Variants in UTRN observed in about 807,000 individuals in gnomAD.
UTRN encodes dystrophin-related protein 1.
UTRN carries 283 observed loss-of-function variants against 463.9 expected under a neutral mutation model. The ratio of observed to expected loss-of-function variants is 0.61; its 90% CI spans 0.55 to 0.67. The LOEUF is 0.67. UTRN is among the 30% of genes least tolerant of loss of function. The pLI, the probability that UTRN is intolerant of heterozygous loss-of-function variation, is 0.00. For missense variants in UTRN, 3,922 were observed against 4,084.3 expected (o/e 0.96, Z 1.08); for synonymous variants, 1,442 against 1,431.5 (o/e 1.01, Z -0.17).
In UTRN at chr6:144,346,176, T is replaced by C. The variant is rs1196944243; in HGVS notation, c.79+54269T>C. ...CTGGGTGAAAGAGCAAAACTCTGTC[T>C]CAAAAAAAAAAAAAATAAAATAAAA... On this transcript the variant is annotated intron_variant, in intron 2 of 74. Coordinates refer to ENST00000367545, the MANE Select transcript of UTRN (RefSeq NM_007124.3). 4.6e-5 allele frequency among the ~76,000 whole-genome samples: 4 copies of C among 87,442 alleles called. 1 individual carries two copies. The highest frequency in any genetic ancestry group is 1.4e-4 in the African/African-American group (4 of 29,416). 57.4% of individuals were successfully genotyped at this position (87,442 alleles called of 152,430 possible). A position where few individuals can be genotyped will look rare whatever the true frequency, so the allele number is the denominator to read the frequency against.
rs117871686 is a variant in UTRN, at chr6:144,639,821, G to A, written c.7480-38585G>A. On this transcript the variant is annotated intron_variant, in intron 51 of 74. Transcript: ENST00000367545. ...GTGGGAGTTTCTATATGGAAGAGGG[G>A]CATTAACAAAGCTTTGAAATGCCAA... 2.2e-3 allele frequency among the ~76,000 whole-genome samples: 328 copies of A among 152,222 alleles called. 9 individuals carry two copies. In the East Asian group the frequency reaches 0.05, roughly 23 times the overall value.
rs774506393 is a variant in UTRN at position 144,403,100 on chromosome 6, CTCTT to C, written c.80-17_80-14del. On this transcript the variant is annotated intron_variant, in intron 2 of 74. Coordinates refer to ENST00000367545, the MANE Select transcript of UTRN (RefSeq NM_007124.3). Reference sequence around the variant, plus strand: ...GTACAGACTCTCATACTTTTTCCTTCTCTTTCTTTTTCCATTCCACAGATGAACA... The same window carrying C: ...GTACAGACTCTCATACTTTTTCCTTCTCTTTTTCCATTCCACAGATGAACA... The C allele has an allele frequency of 4.7e-5, 75 of 1,607,946 alleles. No homozygotes were observed. Among genetic ancestry groups the C allele is most frequent in the South Asian group, 1.1e-4 (10 of 90,828 alleles).
intron 63 of UTRN, among the ~76,000 whole-genome samples, chr6:144,795,588 A>C (rs9390228): frequency 0.16 from 24,875 of 152,042 alleles, 2,370 homozygotes; most frequent in South Asian, 0.27. Context: ...ATGGTATCTC[A>C]TTGTGGTTTT....
intron 51 of UTRN, among the ~76,000 whole-genome samples, chr6:144,641,990 T>C (rs1287421957): frequency 6.6e-6 from 1 of 152,198 alleles, no homozygotes; most frequent in African/African-American, 2.4e-5. Context: ...CTGTTTGTCT[T>C]TGACTAGAAC....
intron 65 of UTRN, among the ~76,000 whole-genome samples, chr6:144,813,288 A>C (rs960928124): frequency 1.3e-5 from 2 of 152,066 alleles, no homozygotes; most frequent in African/African-American, 4.8e-5. Flanking sequence ...TCCCGGGTTC[A>C]AGTGATTCTC....
chr6:144,484,894 C>A (rs572841068), intron 27 of UTRN, among the ~76,000 whole-genome samples: 3 of 151,896 alleles, frequency 2.0e-5, no homozygotes, highest in Admixed American at 6.6e-5. Flanking sequence ...ACCAACTGGT[C>A]TCATATGATT....
intron 2 of UTRN, among the ~76,000 whole-genome samples, chr6:144,312,722 T>C (rs751097283): frequency 1.3e-5 from 2 of 152,230 alleles, no homozygotes; most frequent in Non-Finnish European, 2.9e-5. Flanking sequence ...CATGTTTATA[T>C]ATTTGATATG....
chr6:144,812,972 A>C (rs913262107), intron 65 of UTRN, among the ~76,000 whole-genome samples: 4 of 152,086 alleles, frequency 2.6e-5, no homozygotes, highest in Non-Finnish European at 5.9e-5. Flanking sequence ...ATGCCCACTT[A>C]TCTGTGTAGG....
chr6:144,305,535 G>A (rs538115129), intron 2 of UTRN, among the ~76,000 whole-genome samples: 23 of 152,308 alleles, frequency 1.5e-4, no homozygotes, highest in African/African-American at 5.5e-4. Context: ...CTTGGAAGTA[G>A]GATTTGAGAC....
At chr6:144,476,160 G>C (rs1259052565) in intron 25 of UTRN, among the ~76,000 whole-genome samples, 1 of 149,784 alleles carries the variant, frequency 6.7e-6, no homozygotes, top group East Asian at 2.1e-4. Flanking sequence ...GAGACCAGAT[G>C]CCAGTCTGGT....
intron 25 of UTRN, among the ~76,000 whole-genome samples, chr6:144,475,535 T>C (rs1282195023): frequency 6.6e-6 from 1 of 152,182 alleles, no homozygotes; most frequent in Admixed American, 6.5e-5. Flanking sequence ...AAGTATGATA[T>C]TACACAGAAA....
Position 144,464,684 on chromosome 6 carries a change from G to C in UTRN, c.3066+1818G>C, listed in dbSNP as rs138662524. On this transcript the variant is annotated intron_variant, in intron 23 of 74. Coordinates refer to ENST00000367545, the MANE Select transcript of UTRN (RefSeq NM_007124.3). ...CCCGGCTAAGGTTTTATTTTTAGTAGAGATGAGGTTTTACCATGTTGGCCA... is the reference window on the plus strand; with the variant it reads ...CCCGGCTAAGGTTTTATTTTTAGTACAGATGAGGTTTTACCATGTTGGCCA... Among the ~76,000 whole-genome samples the C allele has an allele frequency of 2.5e-3, 376 of 152,128 alleles. 3 individuals carry two copies. Among genetic ancestry groups the C allele is most frequent in the Middle Eastern group, 0.017 (5 of 294 alleles).
At chr6:144,742,285 ATGTACT>A (rs1273249332) in intron 54 of UTRN, among the ~76,000 whole-genome samples, 1 of 152,092 alleles carries the variant, frequency 6.6e-6, no homozygotes, top group African/African-American at 2.4e-5. Context: ...GCACTTGATG[ATGTACT>A]TGTAATCTGG....
intron 51 of UTRN, among the ~76,000 whole-genome samples, chr6:144,658,120 T>A (rs577555985): frequency 6.6e-6 from 1 of 152,314 alleles, no homozygotes; most frequent in East Asian, 1.9e-4. Flanking sequence ...TATTTTTACC[T>A]GTGAATTTCT....
At chr6:144,535,344 A>G (rs1411490981) in intron 43 of UTRN, among the ~76,000 whole-genome samples, 1 of 152,172 alleles carries the variant, frequency 6.6e-6, no homozygotes, top group Non-Finnish European at 1.5e-5. Context: ...GGCCTCTCAA[A>G]GTTCTGGAAT....
At chr6:144,738,020 G>C (rs753664969) in intron 54 of UTRN, among the ~76,000 whole-genome samples, 3 of 152,032 alleles carry the variant, frequency 2.0e-5, no homozygotes, top group Non-Finnish European at 4.4e-5. Context: ...AGGCCAAGAA[G>C]ATATTATGGT....
At chr6:144,423,659 G>T (rs756479739) in intron 5 of UTRN, 33 bp downstream of exon 5, 1 of 1,606,858 alleles carries the variant, frequency 6.2e-7, no homozygotes, top group Non-Finnish European at 8.5e-7. Flanking sequence ...GGGGGTCTGT[G>T]CTGCCATCAG....
intron 13 of UTRN, among the ~76,000 whole-genome samples, chr6:144,444,043 G>A (rs1250189577): frequency 6.6e-6 from 1 of 152,158 alleles, no homozygotes; most frequent in Non-Finnish European, 1.5e-5. Flanking sequence ...AGAGGATACA[G>A]TTCTATTATG....
intron 52 of UTRN, among the ~76,000 whole-genome samples, chr6:144,683,614 A>G (rs918232777): frequency 2.6e-5 from 4 of 152,120 alleles, no homozygotes; most frequent in Non-Finnish European, 5.9e-5. Context: ...ACATTCTCCT[A>G]TGTCTCAAAT....
Sources: allele counts gnomAD v4.1 joint callset (sites outside exome capture counted in the v4.1 genomes callset), GRCh38; gene constraint gnomAD v4.1.1; transcripts MANE v1.5; gene names NCBI Gene and HGNC (gene_info 2026-07-23, HGNC 2026-07-21).